EPB41L2: variants seen among roughly 807,000 people sequenced by gnomAD.
EPB41L2 encodes the protein erythrocyte membrane protein band 4.1 like 2, also known as band 4.1-like protein 2.
Under a neutral mutation model 113.0 loss-of-function variants are expected in EPB41L2, and 43 were observed. The ratio of observed to expected loss-of-function variants is 0.38; its 90% CI spans 0.30 to 0.49. The LOEUF (loss-of-function observed/expected upper bound fraction) is 0.49. EPB41L2 is among the 20% of genes least tolerant of loss of function. EPB41L2 has a pLI of 0.95. For missense variants in EPB41L2, 1,147 were observed against 1,223.4 expected, an observed-to-expected ratio of 0.94 and a Z score of 0.93; for synonymous variants, 442 against 436.7, an observed-to-expected ratio of 1.01 and a Z score of -0.15.
At chr6:130,875,921 G>T (rs1787395131) in intron 14 of EPB41L2, among the ~76,000 whole-genome samples, 2 of 150,320 alleles carry the variant, frequency 1.3e-5, no homozygotes, top group African/African-American at 4.9e-5. Context: ...GGAGATGGAG[G>T]TTGCAGTGAG....
At chr6:130,860,392 C>A (rs950875233) in intron 18 of EPB41L2, among the ~76,000 whole-genome samples, 3 of 152,206 alleles carry the variant, frequency 2.0e-5, no homozygotes, top group African/African-American at 4.8e-5. Flanking sequence ...TCTTGAAACA[C>A]ATTCAAAATC....
intron 1 of EPB41L2, among the ~76,000 whole-genome samples, chr6:131,055,105 C>T (rs923547658): frequency 2.0e-5 from 3 of 152,170 alleles, no homozygotes; most frequent in Non-Finnish European, 4.4e-5. Context: ...TTCTTTTGGC[C>T]TCCAACAAGT....
In EPB41L2 at chr6:130,851,259, G is replaced by A. The variant is rs972545958; in HGVS notation, c.*5+6872C>T. Among the ~76,000 whole-genome samples the A allele has an allele frequency of 3.9e-5, 6 of 152,244 alleles. No individual in the cohort carries two copies. The South Asian group carries it at 6.2e-4, about 16-fold the overall frequency. On this transcript the variant is annotated intron_variant, in intron 19 of 19. Coordinates refer to ENST00000337057, the MANE Select transcript of EPB41L2 (RefSeq NM_001431.4). ...AGCTAGAGCTCAGTTCAGCCAACAG[G>A]GTTCTTTTCTCTCATCAAGTCAGCT...
At chr6:131,014,757 C>T (rs1787802424) in intron 1 of EPB41L2, among the ~76,000 whole-genome samples, 1 of 152,198 alleles carries the variant, frequency 6.6e-6, no homozygotes, top group Non-Finnish European at 1.5e-5. Context: ...ACCCATTACA[C>T]TTTGATTCAA....
At chr6:130,945,436 A>T (rs554192458) in intron 3 of EPB41L2, among the ~76,000 whole-genome samples, 1 of 152,312 alleles carries the variant, frequency 6.6e-6, no homozygotes, top group South Asian at 2.1e-4. Context: ...CCTTATTCAT[A>T]ACTAAGAAAA....
At chr6:130,964,546 T>TA (rs1774521506) in intron 1 of EPB41L2, among the ~76,000 whole-genome samples, 1 of 151,404 alleles carries the variant, frequency 6.6e-6, no homozygotes, top group Admixed American at 6.6e-5. Context: ...AGCATTAGAT[T>TA]AGATGCTATA....
At chr6:130,852,957 T>C (rs1006547603) in intron 19 of EPB41L2, among the ~76,000 whole-genome samples, 10 of 152,242 alleles carry the variant, frequency 6.6e-5, no homozygotes, top group African/African-American at 1.4e-4. Flanking sequence ...GAAACATCTC[T>C]GATGCTCTAT....
chr6:130,870,333 C>T (rs1234617181), intron 14 of EPB41L2: 2 of 1,550,594 alleles, frequency 1.3e-6, no homozygotes, highest in African/African-American at 2.7e-5. Flanking sequence ...AGAACCTTAA[C>T]AGCATCCCTG....
intron 2 of EPB41L2, among the ~76,000 whole-genome samples, 190 bp from the exon 3 acceptor site, chr6:130,955,507 C>T (rs1817143714): frequency 6.6e-6 from 1 of 152,146 alleles, no homozygotes; most frequent in African/African-American, 2.4e-5. Flanking sequence ...CCAAAATTCT[C>T]ATTTTGCCAA....
chr6:130,890,432 ACTT>A lies in EPB41L2; in HGVS notation c.1519_1521del (p.Lys507del). 1 of 1,613,224 alleles carries A rather than the reference ACTT, an allele frequency of 6.2e-7. No individual in the cohort carries two copies. The highest frequency in any genetic ancestry group is 8.5e-7 in the Non-Finnish European group (1 of 1,179,760). ...CGAAATTTGGACCCCAAGGTCAGGA[ACTT>A]GGCTTTTGGTGGCTGCTCTGGAGAA... On this transcript the variant is annotated inframe_deletion, in exon 11 of 20. Transcript: ENST00000337057.
intron 18 of EPB41L2, among the ~76,000 whole-genome samples, chr6:130,859,023 G>C (rs1582745392): frequency 6.6e-6 from 1 of 152,230 alleles, no homozygotes; most frequent in East Asian, 1.9e-4. Flanking sequence ...GCTGACTCCA[G>C]TGGTTTATGG....
chr6:130,852,422 C>T (rs776995214), intron 19 of EPB41L2, among the ~76,000 whole-genome samples: 8 of 152,232 alleles, frequency 5.3e-5, no homozygotes, highest in African/African-American at 1.2e-4. Context: ...CCGGCAGTAC[C>T]GCAGAACCAA....
chr6:130,892,220 G>T (rs1320108732), intron 10 of EPB41L2, among the ~76,000 whole-genome samples: 3 of 151,976 alleles, frequency 2.0e-5, no homozygotes, highest in Non-Finnish European at 4.4e-5. Context: ...GAATCAGGAA[G>T]CCCGGTCCCC....
chr6:130,910,260 C>T (rs943340430), intron 4 of EPB41L2, among the ~76,000 whole-genome samples: 1 of 152,078 alleles, frequency 6.6e-6, no homozygotes, highest in African/African-American at 2.4e-5. Context: ...ACAAATGTGA[C>T]AAAAACAAGC....
chr6:131,056,132 C>T (rs566740706), intron 1 of EPB41L2, among the ~76,000 whole-genome samples: 3 of 152,254 alleles, frequency 2.0e-5, no homozygotes, highest in African/African-American at 7.2e-5. Context: ...AGTTAAAACA[C>T]GATGTTGCTG....
chr6:130,978,630 A>AT (rs1778685764), intron 1 of EPB41L2: 1 of 152,198 alleles, frequency 6.6e-6, no homozygotes, highest in South Asian at 2.1e-4. Context: ...TGAAATCTTG[A>AT]TTTTAATACT....
At chr6:130,862,039 G>T (rs1290590202) in intron 18 of EPB41L2, among the ~76,000 whole-genome samples, 1 of 152,140 alleles carries the variant, frequency 6.6e-6, no homozygotes, top group Admixed American at 6.5e-5. Context: ...AGGCTGCTGG[G>T]TCATCATGAT....
At chr6:131,004,681 C>T (rs1368774282) in intron 1 of EPB41L2, among the ~76,000 whole-genome samples, 1 of 152,134 alleles carries the variant, frequency 6.6e-6, no homozygotes, top group Non-Finnish European at 1.5e-5. Context: ...AGAAGCCCAC[C>T]CAGAAATGAG....
intron 1 of EPB41L2, among the ~76,000 whole-genome samples, chr6:130,972,168 A>G (rs12525986): frequency 0.27 from 40,872 of 151,902 alleles, 6,866 homozygotes; most frequent in Non-Finnish European, 0.37. Context: ...TACTAAAAAT[A>G]CAAAAATTGG....
Sources: allele counts gnomAD v4.1 joint callset (sites outside exome capture counted in the v4.1 genomes callset), GRCh38; gene constraint gnomAD v4.1.1; transcripts MANE v1.5; gene names NCBI Gene and HGNC (gene_info 2026-07-23, HGNC 2026-07-21).